COL3A1: variants seen among roughly 807,000 people sequenced by gnomAD.
COL3A1 encodes the protein collagen type III alpha 1 chain.
COL3A1 carries 46 observed loss-of-function variants against 200.9 expected under a neutral mutation model. The ratio of observed to expected loss-of-function variants is 0.23; its 90% CI spans 0.18 to 0.29. The LOEUF is 0.29. Among genes scored for constraint, COL3A1 ranks in the 10% least tolerant of loss-of-function variants. The pLI, the probability that COL3A1 is intolerant of heterozygous loss-of-function variation, is 1.00. For missense variants in COL3A1, 1,367 were observed against 1,917.6 expected, an observed-to-expected ratio of 0.71 and a Z score of 5.36; for synonymous variants, 650 against 628.0, an observed-to-expected ratio of 1.03 and a Z score of -0.52.
chr2:188,979,005 A>G (rs902030633), intron 1 of COL3A1, among the ~76,000 whole-genome samples: 1 of 151,990 alleles, frequency 6.6e-6, no homozygotes, highest in East Asian at 1.9e-4. Flanking sequence ...GTTTTTTTCC[A>G]TGACTGAGGT....
rs373367218 is a variant in COL3A1 at position 189,008,023 on chromosome 2, A to G, written c.3418-12A>G. 19 of 1,613,972 alleles carry G rather than the reference A, an allele frequency of 1.2e-5. No homozygotes were observed. In the African/African-American group the frequency reaches 1.7e-4, roughly 15 times the overall value. ...GATATTCTGGCATTGTGATGTCATG[A>G]TACTTTCTTAGGGACCTGTTGGACC... On this transcript the variant is annotated splice_polypyrimidine_tract_variant and intron_variant, in intron 46 of 50. Transcript: ENST00000304636.
chr2:188,980,714 AC>A (rs1210314193), intron 1 of COL3A1, among the ~76,000 whole-genome samples: 2 of 150,928 alleles, frequency 1.3e-5, no homozygotes, highest in Non-Finnish European at 3.0e-5. Context: ...AAGTAATCTA[AC>A]ATATTTTAAG....
At chr2:188,985,568 G>A (rs1243474943) in intron 3 of COL3A1, 97 bp from the exon 4 acceptor site, 25 of 786,302 alleles carry the variant, frequency 3.2e-5, no homozygotes, top group Non-Finnish European at 5.0e-5. Context: ...TACTTATATT[G>A]TTTCCTAATA....
chr2:189,007,126 T>G, intron 44 of COL3A1, 136 bp downstream of exon 44: 1 of 137,908 alleles, frequency 7.3e-6, no homozygotes, highest in Non-Finnish European at 1.4e-5. Context: ...TATATATATA[T>G]ATATATATAT....
intron 35 of COL3A1, 109 bp downstream of exon 35, chr2:189,002,460 C>T (rs1345430215): frequency 1.1e-6 from 1 of 928,444 alleles, no homozygotes; most frequent in Non-Finnish European, 1.7e-6. Flanking sequence ...TTTAGCTGCT[C>T]ATTCCCTATA....
chr2:188,988,729 A>G lies in COL3A1; in HGVS notation c.636+86A>G, dbSNP rs550009137. 1.9e-5 allele frequency: 17 copies of G among 896,746 alleles called. No individual in the cohort carries two copies. In the South Asian group the frequency reaches 2.4e-4, roughly 13 times the overall value. 55.5% of individuals were successfully genotyped at this position (896,746 alleles called of 1,614,324 possible). A position where few individuals can be genotyped will look rare whatever the true frequency, so the allele number is the denominator to read the frequency against. ...TTTTCTAAAACAAGTATAGGTCTTT[A>G]CAGAATGAAGATTAAATTTACCCTT... is the stretch of plus-strand genomic sequence containing the variant. On this transcript the variant is annotated intron_variant, in intron 7 of 50. Coordinates refer to ENST00000304636, the MANE Select transcript of COL3A1 (RefSeq NM_000090.4).
chr2:189,012,352 A>T lies in COL3A1; in HGVS notation c.*578A>T, dbSNP rs576370659. On this transcript the variant is annotated 3_prime_UTR_variant, in exon 51 of 51. Transcript: ENST00000304636. ...AAGAAATATTTTTAAAGCCACAATT[A>T]TTTTAATATTGGATATCAACTGCTT... The T allele has an allele frequency of 6.5e-6, 1 of 153,022 alleles. No homozygotes were observed. The highest frequency in any genetic ancestry group is 2.4e-5 in the African/African-American group (1 of 41,592). 9.5% of individuals were successfully genotyped at this position (153,022 alleles called of 1,614,324 possible).
chr2:189,002,256 C>T (rs201399590), intron 34 of COL3A1, 42 bp from the exon 35 acceptor site: 117 of 1,515,904 alleles, frequency 7.7e-5, no homozygotes, highest in African/African-American at 1.5e-4. Flanking sequence ...AAGGAGATGA[C>T]GCACACTTCA....
At position 189,004,290 on chromosome 2, in the gene COL3A1, A is replaced by C; in HGVS notation, c.2857A>C (p.Thr953Pro). 1 of 1,607,718 alleles carries C rather than the reference A, an allele frequency of 6.2e-7. No homozygotes were observed. The highest frequency in any genetic ancestry group is 8.5e-7 in the Non-Finnish European group (1 of 1,177,378). Residue 953 changes from threonine to proline, a missense_variant, in exon 40 of 51, where the codon ACT becomes CCT. Thr to Pro is a conservative substitution (Grantham distance 38). Around this residue, in one of 5 missense-constraint regions of COL3A1, gnomAD observed 846 missense variants for 1,147.9 expected, o/e 0.74. Coordinates refer to ENST00000304636, the MANE Select transcript of COL3A1 (RefSeq NM_000090.4). The stretch of plus-strand genomic sequence containing the variant: ...AGGCCCACTTGGGATTGCTGGGATC[A>C]CTGGAGCACGGGGTCTTGCAGGACC... ...APGPLGIAGI[T>P]GARGLAGPPG...
chr2:189,010,699 G>T lies in COL3A1; in HGVS notation c.4063G>T (p.Ala1355Ser). The change falls in exon 50 of 51, where the codon GCA (alanine) becomes TCA (serine). Residue 1355 changes from alanine to serine, a missense_variant. By Grantham distance (99) the Ala-to-Ser change is moderately conservative (BLOSUM62 1). Coordinates refer to ENST00000304636, the MANE Select transcript of COL3A1 (RefSeq NM_000090.4). Reference sequence around the variant, plus strand: ...TGAAGATGTCCTTGATGTGCATCTGGCATTCCTTCGACTTCTCTCCAGCCG... The same window carrying T: ...TGAAGATGTCCTTGATGTGCATCTGTCATTCCTTCGACTTCTCTCCAGCCG... The part of the protein sequence containing the change: ...LPEDVLDVHL[A>S]FLRLLSSRAS... 6.2e-7 allele frequency: 1 copy of T among 1,614,068 alleles called. No homozygotes were observed. The highest frequency in any genetic ancestry group is 8.5e-7 in the Non-Finnish European group (1 of 1,179,960).
chr2:189,008,290 A>G, intron 47 of COL3A1, 148 bp downstream of exon 47: 1 of 743,522 alleles, frequency 1.3e-6, no homozygotes. Context: ...GACATTCTCC[A>G]TCACATTAAA....
chr2:189,003,074 CCTCTTT>C lies in COL3A1; in HGVS notation c.2553+17_2553+22del, dbSNP rs1475229269. ...GTTCTGGACCTGCTGTAAGTTCCTT[CCTCTTT>C]CTCTGTCTATCTATCTATCATCTAT... On this transcript the variant is annotated intron_variant, in intron 36 of 50. Transcript: ENST00000304636. 4.6e-6 allele frequency: 7 copies of C among 1,530,560 alleles called. No homozygotes were observed. In the African/African-American group the frequency reaches 5.5e-5, roughly 12 times the overall value. The allele number at this position is 1,530,560 out of a possible 1,614,324, so 94.8% of individuals were successfully genotyped here. A position where few individuals can be genotyped will look rare whatever the true frequency, so the allele number is the denominator to read the frequency against.
At chr2:189,008,861 A>G in intron 47 of COL3A1, 63 bp from the exon 48 acceptor site, 1 of 1,501,108 alleles carries the variant, frequency 6.7e-7, no homozygotes, top group Non-Finnish European at 9.3e-7. Context: ...TGGACTAGCA[A>G]TGTATTCTTA....
chr2:188,982,290 A>G (rs1482442782), intron 1 of COL3A1, among the ~76,000 whole-genome samples: 5 of 151,758 alleles, frequency 3.3e-5, no homozygotes, highest in Non-Finnish European at 7.4e-5. Context: ...ATAACATTGC[A>G]TTTGACCCAA....
In COL3A1 at chr2:188,991,483, C is replaced by T. The variant is rs1559055041; in HGVS notation, c.853-4C>T. Reference sequence around the variant, plus strand: ...AAATAGTAACATATTTTATATGTATCTAGGGTGAAAATGGTCTTCCAGGCG... The same window carrying T: ...AAATAGTAACATATTTTATATGTATTTAGGGTGAAAATGGTCTTCCAGGCG... On this transcript the variant is annotated splice_region_variant and splice_polypyrimidine_tract_variant and intron_variant, in intron 11 of 50. Transcript: ENST00000304636. The T allele has an allele frequency of 6.3e-7, 1 of 1,590,960 alleles. No homozygotes were observed. Among genetic ancestry groups the T allele is most frequent in the Non-Finnish European group, 8.6e-7 (1 of 1,160,186 alleles).
intron 1 of COL3A1, chr2:188,978,055 A>T (rs1212307374): frequency 7.3e-6 from 3 of 410,178 alleles, no homozygotes; most frequent in Non-Finnish European, 1.5e-5. Context: ...TCAGGTAATA[A>T]CAGAGCCTTG....
At chr2:188,980,894 TATG>T (rs930057253) in intron 1 of COL3A1, among the ~76,000 whole-genome samples, 1 of 151,352 alleles carries the variant, frequency 6.6e-6, no homozygotes, top group African/African-American at 2.4e-5. Context: ...TGAAAATAAT[TATG>T]ATAATTTATA....
intron 4 of COL3A1, among the ~76,000 whole-genome samples, chr2:188,986,076 A>C (rs938318808): frequency 6.6e-6 from 1 of 151,976 alleles, no homozygotes; most frequent in Non-Finnish European, 1.5e-5. Context: ...TATGAACTTA[A>C]CAAAAAAAAT....
intron 44 of COL3A1, 67 bp downstream of exon 44, chr2:189,007,057 A>T: frequency 8.1e-7 from 1 of 1,240,934 alleles, no homozygotes; most frequent in Non-Finnish European, 1.1e-6. Context: ...ACAGTGTAGG[A>T]AATATTTTAT....
Sources: allele counts gnomAD v4.1 joint callset (sites outside exome capture counted in the v4.1 genomes callset), GRCh38; gene constraint gnomAD v4.1.1; regional missense constraint gnomAD v4.1.1; transcripts MANE v1.5; gene names NCBI Gene and HGNC (gene_info 2026-07-23, HGNC 2026-07-21).